Variants in CEP128 observed in about 807,000 individuals in gnomAD.
CEP128 encodes the protein centrosomal protein 128kDa.
In CEP128, 132 loss-of-function variants were observed where a neutral mutation model predicts 156.7. The observed-to-expected ratio is 0.84, with a 90% CI of 0.73 to 0.97. The LOEUF is 0.97. Among genes scored for constraint, CEP128 ranks in the 50% least tolerant of loss-of-function variants. The probability of loss-of-function intolerance (pLI) is 0.00; values close to 1 mark genes in which losing one functional copy is unlikely to be tolerated. For synonymous variants in CEP128, 469 were observed against 448.9 expected (o/e 1.04, Z -0.57); for missense variants, 1,252 against 1,281.9 (o/e 0.98, Z 0.36).
chr14:80,653,173 C>G (rs1377147401), intron 19 of CEP128, among the ~76,000 whole-genome samples: 1 of 152,000 alleles, frequency 6.6e-6, no homozygotes, highest in Non-Finnish European at 1.5e-5. Context: ...CATCACACAC[C>G]AGGGCCTGTC....
chr14:80,491,709 T>G (rs917607535), downstream of CEP128, among the ~76,000 whole-genome samples: 1 of 152,200 alleles, frequency 6.6e-6, no homozygotes, highest in African/African-American at 2.4e-5. Flanking sequence ...AGACCCAAAC[T>G]GCTAGCCAGC....
intron 2 of CEP128, among the ~76,000 whole-genome samples, chr14:80,932,673 GCTC>G (rs1885535673): frequency 6.6e-6 from 1 of 152,012 alleles, no homozygotes; most frequent in Non-Finnish European, 1.5e-5. Context: ...AAAGCTCAGG[GCTC>G]CCACTGACTC....
chr14:80,918,238 T>C (rs1463165669), intron 2 of CEP128, among the ~76,000 whole-genome samples: 3 of 152,260 alleles, frequency 2.0e-5, no homozygotes, highest in Non-Finnish European at 4.4e-5. Flanking sequence ...ACATCTTACA[T>C]ATAACATCTT....
chr14:80,485,641 AT>A (rs1276200627), downstream of CEP128, among the ~76,000 whole-genome samples: 11 of 152,204 alleles, frequency 7.2e-5, no homozygotes, highest in Admixed American at 2.6e-4. Context: ...GTAACATATA[AT>A]AGAGACTTTT....
At chr14:80,812,015 A>C (rs982961081) in intron 13 of CEP128, among the ~76,000 whole-genome samples, 5 of 152,126 alleles carry the variant, frequency 3.3e-5, no homozygotes, top group African/African-American at 1.2e-4. Flanking sequence ...ATAGTACCCA[A>C]TATATAGTTT....
intron 2 of CEP128, among the ~76,000 whole-genome samples, chr14:80,933,417 G>A (rs1440385171): frequency 1.3e-5 from 2 of 152,154 alleles, no homozygotes; most frequent in Admixed American, 1.3e-4. Context: ...GGATTCTTTA[G>A]AGTCATCTCT....
At chr14:80,805,569 T>C (rs1423877667) in intron 13 of CEP128, among the ~76,000 whole-genome samples, 2 of 152,214 alleles carry the variant, frequency 1.3e-5, no homozygotes, top group African/African-American at 2.4e-5. Flanking sequence ...ACAAATTTAA[T>C]GGAGTTTCAC....
At chr14:80,929,210 AAAC>A (rs1391423205) in intron 2 of CEP128, among the ~76,000 whole-genome samples, 3 of 152,214 alleles carry the variant, frequency 2.0e-5, no homozygotes, top group East Asian at 3.8e-4. Flanking sequence ...TTAAAATGTC[AAAC>A]AACAATAGAT....
intron 9 of CEP128, among the ~76,000 whole-genome samples, chr14:80,861,256 T>C (rs1415891649): frequency 2.0e-5 from 3 of 151,930 alleles, no homozygotes; most frequent in African/African-American, 7.2e-5. Flanking sequence ...CAATAGAAAG[T>C]ACAATAGAAA....
intron 8 of CEP128, among the ~76,000 whole-genome samples, chr14:80,894,991 G>C (rs1364819587): frequency 6.6e-6 from 1 of 151,616 alleles, no homozygotes; most frequent in Admixed American, 6.6e-5. Context: ...TGAAAAAAAG[G>C]TATTATGAGA....
intron 19 of CEP128, among the ~76,000 whole-genome samples, chr14:80,704,909 A>C (rs1897189752): frequency 6.6e-6 from 1 of 152,018 alleles, no homozygotes; most frequent in South Asian, 2.1e-4. Flanking sequence ...TGATATATAC[A>C]TTACTCCAAT....
chr14:80,573,693 G>A (rs1394388734), intron 20 of CEP128, among the ~76,000 whole-genome samples: 1 of 152,108 alleles, frequency 6.6e-6, no homozygotes, highest in Non-Finnish European at 1.5e-5. Flanking sequence ...GTAAATTGAA[G>A]GGTGTAAACC....
At chr14:80,874,282 C>T (rs1037815468) in intron 8 of CEP128, among the ~76,000 whole-genome samples, 2 of 151,782 alleles carry the variant, frequency 1.3e-5, no homozygotes, top group African/African-American at 4.8e-5. Flanking sequence ...TGGCCAACAT[C>T]GCGAAACCCT....
chr14:80,828,801 A>G (rs560969887), intron 13 of CEP128, among the ~76,000 whole-genome samples: 2 of 152,340 alleles, frequency 1.3e-5, no homozygotes, highest in South Asian at 2.1e-4. Context: ...AAGAACTGTT[A>G]CTATATATAT....
chr14:80,726,256 T>C (rs1437905544), intron 19 of CEP128, among the ~76,000 whole-genome samples: 2 of 152,198 alleles, frequency 1.3e-5, no homozygotes, highest in Admixed American at 6.5e-5. Flanking sequence ...CTTTTCTTGA[T>C]GACTGATCCC....
intron 2 of CEP128, among the ~76,000 whole-genome samples, chr14:80,928,949 T>C (rs1885294659): frequency 1.3e-5 from 2 of 152,002 alleles, no homozygotes; most frequent in Admixed American, 6.5e-5. Context: ...ACCTACAGGA[T>C]GGGAGAAAAT....
chr14:80,643,943 G>A (rs1894529880), intron 19 of CEP128, among the ~76,000 whole-genome samples: 1 of 152,184 alleles, frequency 6.6e-6, no homozygotes, highest in Non-Finnish European at 1.5e-5. Context: ...AGGATTTGAA[G>A]ATGAAATCAG....
chr14:80,756,955 C>T lies in CEP128; in HGVS notation c.2554-4G>A. 1.3e-6 allele frequency: 2 copies of T among 1,582,852 alleles called. No homozygotes were observed. Among genetic ancestry groups the T allele is most frequent in the African/African-American group, 1.3e-5 (1 of 74,096 alleles). On this transcript the variant is annotated splice_polypyrimidine_tract_variant and splice_region_variant and intron_variant, in intron 17 of 24. Coordinates refer to ENST00000555265, the MANE Select transcript of CEP128 (RefSeq NM_152446.5). ...TATCAGGACCAGATGAAAAAACCTA[C>T]AAAAGAGAAAACAGTCGATTAGAAA...
At chr14:80,646,254 T>C (rs766328287) in intron 19 of CEP128, among the ~76,000 whole-genome samples, 5 of 152,012 alleles carry the variant, frequency 3.3e-5, no homozygotes, top group Admixed American at 2.0e-4. Flanking sequence ...ACCACTTTGG[T>C]GGGGGATACT....
Sources: allele counts gnomAD v4.1 joint callset (sites outside exome capture counted in the v4.1 genomes callset), GRCh38; gene constraint gnomAD v4.1.1; transcripts MANE v1.5; gene names NCBI Gene and HGNC (gene_info 2026-07-23, HGNC 2026-07-21).